ZSWIM9: variants seen among roughly 807,000 people sequenced by gnomAD.
The protein encoded by ZSWIM9 is uncharacterized protein ZSWIM9.
ZSWIM9 carries 11 observed loss-of-function variants against 25.0 expected under a neutral mutation model. The ratio of observed to expected loss-of-function variants is 0.44; its 90% CI spans 0.28 to 0.73. The LOEUF is 0.73. ZSWIM9 is among the 30% of genes least tolerant of loss of function. The probability of loss-of-function intolerance (pLI) is 0.16; values close to 1 mark genes in which losing one functional copy is unlikely to be tolerated. For synonymous variants in ZSWIM9, 562 were observed against 582.1 expected (o/e 0.97, Z 0.50); for missense variants, 1,070 against 1,296.5 (o/e 0.83, Z 2.68).
At chr19:48,187,400 T>TATATTA (rs2037026310) in intron 3 of ZSWIM9, among the ~76,000 whole-genome samples, 1 of 104,236 alleles carries the variant, frequency 9.6e-6, no homozygotes, top group Non-Finnish European at 1.8e-5. Flanking sequence ...ATATATTATA[T>TATATTA]TAATTATATA....
Position 48,195,664 on chromosome 19 carries a change from A to T in ZSWIM9, c.1600A>T (p.Arg534Trp), listed in dbSNP as rs1037726158. Residue 534 changes from arginine (R) to tryptophan (W), a missense_variant, in exon 4 of 4, where the codon AGG (arginine) becomes TGG (tryptophan). Around this residue, in one of 4 missense-constraint regions of ZSWIM9, gnomAD observed 583 missense variants for 624.7 expected, o/e 0.93. Coordinates refer to ENST00000614654, the MANE Select transcript of ZSWIM9 (RefSeq NM_199341.4). The surrounding 1 kb of genome is among the most constrained non-coding windows in gnomAD (Gnocchi z 5.8). The part of the protein sequence containing the change: ...RGGRLENQKP[R>W]GLEGGVLRGS... ...GGGTCGGTTGGAGAATCAGAAGCCG[A>T]GGGGACTGGAAGGGGGTGTCTTGAG... is the stretch of plus-strand genomic sequence containing the variant. 6 of 1,431,128 alleles carry T rather than the reference A, an allele frequency of 4.2e-6. No homozygotes were observed. Among genetic ancestry groups the T allele is most frequent in the Middle Eastern group, 1.8e-4 (1 of 5,544 alleles). The allele number at this position is 1,431,128 out of a possible 1,614,324, so 88.7% of individuals were successfully genotyped here.
chr19:48,171,409 C>T lies in ZSWIM9; in HGVS notation c.-9-385C>T, dbSNP rs118099521. 9.9e-3 allele frequency: 9,703 copies of T among 983,990 alleles called. 73 individuals carry two copies. The highest frequency in any genetic ancestry group is 0.048 in the Middle Eastern group (91 of 1,912). The allele number at this position is 983,990 out of a possible 1,614,324, so 61.0% of individuals were successfully genotyped here. On this transcript the variant is annotated intron_variant, in intron 1 of 3. Transcript: ENST00000614654. ...AGTTACTCTTGGGTGAGAGACACAG[C>T]TGGAAGGGGAGGAGGTTTTAGCTGG...
At position 48,195,150 on chromosome 19, in the gene ZSWIM9, G is replaced by A; in HGVS notation, c.1086G>A (p.Leu362=). 1 of 1,512,684 alleles carries A rather than the reference G, an allele frequency of 6.6e-7. No homozygotes were observed. Among genetic ancestry groups the A allele is most frequent in the East Asian group, 2.6e-5 (1 of 38,344 alleles). The allele number at this position is 1,512,684 out of a possible 1,614,324, so 93.7% of individuals were successfully genotyped here. Residue 362 remains leucine, a synonymous_variant, in exon 4 of 4, where the codon CTG becomes CTA. Transcript: ENST00000614654. This position sits in a 1 kb window ranked among gnomAD's most constrained non-coding sequence, Gnocchi z 5.8. ...CGCCCGCAGCCTACGACGAGGCGCT[G>A]GCCGAGCTCCACGCCCACGGCCCAG... ...ASSPAAYDEA[L]AELHAHGPAA... is the part of the protein sequence containing the mutation.
chr19:48,183,833 G>GT (rs1050439992), intron 3 of ZSWIM9, among the ~76,000 whole-genome samples: 1 of 150,180 alleles, frequency 6.7e-6, no homozygotes, highest in Non-Finnish European at 1.5e-5. Flanking sequence ...ATGTTTGGCG[G>GT]GGGGGGGTCT....
In ZSWIM9 at chr19:48,171,827, G is replaced by T; in HGVS notation, c.25G>T (p.Gly9Cys). Residue 9 changes from glycine to cysteine, a missense_variant, in exon 2 of 4, where the codon GGC becomes TGC. By Grantham distance (159) the Gly-to-Cys change is radical. This residue lies in a region of ZSWIM9 where 265 missense variants were observed against 339.0 expected (regional missense o/e 0.78). Transcript: ENST00000614654. MERPEPPP[G>C]TAAGQEEQEL... ...GATGGAGCGGCCGGAGCCCCCACCCGGCACGGCTGCGGGGCAGGAGGAGCA... is the reference window on the plus strand; with the variant it reads ...GATGGAGCGGCCGGAGCCCCCACCCTGCACGGCTGCGGGGCAGGAGGAGCA... 1 of 1,533,590 alleles carries T rather than the reference G, an allele frequency of 6.5e-7. No homozygotes were observed. Among genetic ancestry groups the T allele is most frequent in the Non-Finnish European group, 8.7e-7 (1 of 1,145,936 alleles). The allele number at this position is 1,533,590 out of a possible 1,614,324, so 95.0% of individuals were successfully genotyped here. A position where few individuals can be genotyped will look rare whatever the true frequency, so the allele number is the denominator to read the frequency against.
At position 48,182,737 on chromosome 19, in the gene ZSWIM9, G is replaced by A. The variant is rs1399120656; in HGVS notation, c.558G>A (p.Glu186=). 1.2e-5 allele frequency: 19 copies of A among 1,534,386 alleles called. No homozygotes were observed. The East Asian group carries it at 2.4e-4, about 20-fold the overall frequency. Residue 186 remains glutamate, a synonymous_variant, in exon 3 of 4, where the codon GAG becomes GAA. Transcript: ENST00000614654. This position sits in a 1 kb window ranked among gnomAD's most constrained non-coding sequence, Gnocchi z 4.6. ...TCCTGGACGCCCTGCACGTGCTCGA[G>A]GGCCTCTTCCGCACCGACCCCGAGG... The part of the protein sequence containing the change: ...HGVLDALHVL[E]GLFRTDPEAK...
At chr19:48,191,766 T>C (rs2037097207) in intron 3 of ZSWIM9, 1 of 152,446 alleles carries the variant, frequency 6.6e-6, no homozygotes, top group African/African-American at 2.4e-5. Context: ...TGTTCCTCCG[T>C]GGGTTTCTCC....
At chr19:48,191,478 T>C (rs879933036) in intron 3 of ZSWIM9, among the ~76,000 whole-genome samples, 10 of 152,258 alleles carry the variant, frequency 6.6e-5, no homozygotes, top group Admixed American at 2.6e-4. Context: ...GTGCTGGGAT[T>C]ACAGGCGTAA....
chr19:48,189,052 G>A (rs550458486), intron 3 of ZSWIM9, among the ~76,000 whole-genome samples: 1 of 152,022 alleles, frequency 6.6e-6, no homozygotes, highest in East Asian at 2.0e-4. Flanking sequence ...ATACTCCATG[G>A]GAAGCTGGTA....
intron 2 of ZSWIM9, chr19:48,181,256 G>A (rs531813297): frequency 2.0e-5 from 3 of 152,136 alleles, no homozygotes; most frequent in East Asian, 3.9e-4. Context: ...ACCTCCTGGT[G>A]CCCCCTCACA....
Position 48,197,358 on chromosome 19 carries a change from G to A in ZSWIM9, c.*531G>A. On this transcript the variant is annotated 3_prime_UTR_variant, in exon 4 of 4. Coordinates refer to ENST00000614654, the MANE Select transcript of ZSWIM9 (RefSeq NM_199341.4). ...AAATGAAGACATGAGGAAAAGCTGGGGGAAGCAGGAGAGGAAGGGACGGGA... is the reference window on the plus strand; with the variant it reads ...AAATGAAGACATGAGGAAAAGCTGGAGGAAGCAGGAGAGGAAGGGACGGGA... The A allele has an allele frequency of 1.4e-6, 1 of 695,098 alleles. No individual in the cohort carries two copies. The highest frequency in any genetic ancestry group is 2.7e-5 in the East Asian group (1 of 37,148). The allele number at this position is 695,098 out of a possible 1,614,324, so 43.1% of individuals were successfully genotyped here. A position where few individuals can be genotyped will look rare whatever the true frequency, so the allele number is the denominator to read the frequency against.
intron 1 of ZSWIM9, chr19:48,171,467 AG>A: frequency 2.3e-6 from 2 of 851,940 alleles, no homozygotes; most frequent in Non-Finnish European, 2.8e-6. Flanking sequence ...GATGTCCTTA[AG>A]GGACATCTGA....
At chr19:48,171,257 A>G in intron 1 of ZSWIM9, 2 of 985,392 alleles carry the variant, frequency 2.0e-6, no homozygotes, top group Non-Finnish European at 2.4e-6. Flanking sequence ...TGCATGAAGC[A>G]TGTGACCGGG....
chr19:48,196,059 G>A lies in ZSWIM9; in HGVS notation c.1995G>A (p.Gly665=), dbSNP rs2037160768. 5 of 1,261,058 alleles carry A rather than the reference G, an allele frequency of 4.0e-6. No individual in the cohort carries two copies. Among genetic ancestry groups the A allele is most frequent in the Non-Finnish European group, 5.0e-6 (5 of 1,005,650 alleles). 78.1% of individuals were successfully genotyped at this position (1,261,058 alleles called of 1,614,324 possible). ...GGCTGGAGGTCAGAAACTTGAGGGG[G>A]ATCCCCTTGGAGAAGTCCCTGGAGT... is the stretch of plus-strand genomic sequence containing the variant. The part of the protein sequence containing the change: ...GRGLEVRNLR[G]IPLEKSLELA... The change falls in exon 4 of 4, where the codon GGG becomes GGA. Residue 665 remains glycine (G), a synonymous_variant. Transcript: ENST00000614654.
rs1415178450 is a variant in ZSWIM9 at position 48,195,218 on chromosome 19, G to A, written c.1154G>A (p.Arg385His). 1 of 1,527,828 alleles carries A rather than the reference G, an allele frequency of 6.5e-7. No individual in the cohort carries two copies. 94.6% of individuals were successfully genotyped at this position (1,527,828 alleles called of 1,614,324 possible). A position where few individuals can be genotyped will look rare whatever the true frequency, so the allele number is the denominator to read the frequency against. ...DYFERNWEPR[R>H]DMWVRFRAFE... ...TTCGAGCGCAACTGGGAGCCCCGCCGCGACATGTGGGTCCGCTTCCGCGCC... is the reference window on the plus strand; with the variant it reads ...TTCGAGCGCAACTGGGAGCCCCGCCACGACATGTGGGTCCGCTTCCGCGCC... Residue 385 changes from arginine to histidine, a missense_variant, in exon 4 of 4, where the codon CGC becomes CAC. Around this residue, in one of 4 missense-constraint regions of ZSWIM9, gnomAD observed 184 missense variants for 243.1 expected, o/e 0.76. Coordinates refer to ENST00000614654, the MANE Select transcript of ZSWIM9 (RefSeq NM_199341.4). The surrounding 1 kb of genome is among the most constrained non-coding windows in gnomAD (Gnocchi z 5.8).
rs1349935682 is a variant in ZSWIM9, at chr19:48,197,174, T to C, written c.*347T>C. Reference sequence around the variant, plus strand: ...GGGGGAGGGGGAGGAAGCGATCATATGGGGAGTGTCTGGCAAGAGTAGACT... The same window carrying C: ...GGGGGAGGGGGAGGAAGCGATCATACGGGGAGTGTCTGGCAAGAGTAGACT... On this transcript the variant is annotated 3_prime_UTR_variant, in exon 4 of 4. Transcript: ENST00000614654. The C allele has an allele frequency of 2.9e-6, 2 of 686,692 alleles. No individual in the cohort carries two copies. Among genetic ancestry groups the C allele is most frequent in the Non-Finnish European group, 5.3e-6 (2 of 378,404 alleles). The allele number at this position is 686,692 out of a possible 1,614,324, so 42.5% of individuals were successfully genotyped here.
intron 3 of ZSWIM9, among the ~76,000 whole-genome samples, chr19:48,183,514 T>A (rs1345261252): frequency 1.3e-5 from 2 of 152,038 alleles, no homozygotes; most frequent in Non-Finnish European, 2.9e-5. Flanking sequence ...GCCCCTGCAG[T>A]TCTGGCGGGA....
chr19:48,194,798 C>T lies in ZSWIM9; in HGVS notation c.734C>T (p.Ala245Val). ...PGLQGALDLLAVLCVDGSGRA... is the reference protein window; with the variant it reads ...PGLQGALDLLVVLCVDGSGRA... Reference sequence around the variant, plus strand: ...CTGCAGGGCGCGCTGGATCTGCTGGCCGTGCTGTGCGTGGACGGCTCGGGC... The same window carrying T: ...CTGCAGGGCGCGCTGGATCTGCTGGTCGTGCTGTGCGTGGACGGCTCGGGC... The change falls in exon 4 of 4, where the codon GCC becomes GTC. Residue 245 changes from alanine to valine, a missense_variant. Physicochemically the swap from Ala to Val is moderately conservative, Grantham distance 64. Around this residue, in one of 4 missense-constraint regions of ZSWIM9, gnomAD observed 38 missense variants for 89.7 expected, o/e 0.42. Transcript: ENST00000614654. This position sits in a 1 kb window ranked among gnomAD's most constrained non-coding sequence, Gnocchi z 6.0. The T allele has an allele frequency of 6.5e-7, 1 of 1,530,304 alleles. No homozygotes were observed. Among genetic ancestry groups the T allele is most frequent in the East Asian group, 2.5e-5 (1 of 40,446 alleles). The allele number at this position is 1,530,304 out of a possible 1,614,324, so 94.8% of individuals were successfully genotyped here. A position where few individuals can be genotyped will look rare whatever the true frequency, so the allele number is the denominator to read the frequency against.
intron 2 of ZSWIM9, 57 bp downstream of exon 2, chr19:48,172,134 GT>G: frequency 6.3e-6 from 8 of 1,270,052 alleles, no homozygotes; most frequent in East Asian, 2.6e-5. Flanking sequence ...GGGGGTGGGT[GT>G]GGGTGGGAGA....
Sources: allele counts gnomAD v4.1 joint callset (sites outside exome capture counted in the v4.1 genomes callset), GRCh38; gene constraint gnomAD v4.1.1; regional missense constraint gnomAD v4.1.1; non-coding constraint Gnocchi (gnomAD v3.1); transcripts MANE v1.5; gene names NCBI Gene and HGNC (gene_info 2026-07-23, HGNC 2026-07-21).